Variants in PCDHA12 observed in about 807,000 individuals in gnomAD.
PCDHA12 encodes protocadherin alpha 12.
In PCDHA12, 44 loss-of-function variants were observed where a neutral mutation model predicts 60.0. The observed-to-expected ratio is 0.73, with a 90% CI of 0.58 to 0.94. PCDHA12 has a LOEUF of 0.94. PCDHA12 is among the 40% of genes least tolerant of loss of function. PCDHA12 has a pLI of 0.00. For synonymous variants in PCDHA12, 569 were observed against 553.0 expected (o/e 1.03, Z -0.40); for missense variants, 1,276 against 1,239.7 (o/e 1.03, Z -0.44).
chr5:140,886,910 T>C (rs1373910489), intron 1 of PCDHA12, among the ~76,000 whole-genome samples: 1 of 152,100 alleles, frequency 6.6e-6, no homozygotes, highest in African/African-American at 2.4e-5. Context: ...TAAATACTTA[T>C]TGAGTGTTCT....
chr5:140,970,776 A>G lies in PCDHA12; in HGVS notation c.2368-8173A>G, dbSNP rs1338334067. Among the ~76,000 whole-genome samples the G allele has an allele frequency of 1.3e-5, 2 of 152,212 alleles. 1 individual carries two copies. The highest frequency in any genetic ancestry group is 4.8e-5 in the African/African-American group (2 of 41,458). On this transcript the variant is annotated intron_variant, in intron 1 of 3. Coordinates refer to ENST00000398631, the MANE Select transcript of PCDHA12 (RefSeq NM_018903.4). Reference sequence around the variant, plus strand: ...TTCATTGACATATTGCTGTACATACATATTGTATGTAATATCCATATTGTT... The same window carrying G: ...TTCATTGACATATTGCTGTACATACGTATTGTATGTAATATCCATATTGTT...
chr5:141,004,619 G>C (rs1004302739), intron 3 of PCDHA12, among the ~76,000 whole-genome samples: 9 of 152,136 alleles, frequency 5.9e-5, no homozygotes, highest in Non-Finnish European at 1.0e-4. Context: ...GCAGAGTCCT[G>C]GTTATGGTTG....
rs371718634 is a variant in PCDHA12, at chr5:140,884,469, C to G, written c.2367+6630C>G. ...CCGCCCACCGAGGGCGCGTGCGCGCCGGGCAAGCCCACTCTAGTGTGCTCC... is the reference window on the plus strand; with the variant it reads ...CCGCCCACCGAGGGCGCGTGCGCGCGGGGCAAGCCCACTCTAGTGTGCTCC... On this transcript the variant is annotated intron_variant, in intron 1 of 3. Coordinates refer to ENST00000398631, the MANE Select transcript of PCDHA12 (RefSeq NM_018903.4). 7.7e-5 allele frequency: 124 copies of G among 1,613,648 alleles called. 1 individual carries two copies. The highest frequency in any genetic ancestry group is 9.6e-5 in the Non-Finnish European group (113 of 1,179,828).
chr5:140,882,136 A>T (rs2058967821), intron 1 of PCDHA12: 14 of 1,486,890 alleles, frequency 9.4e-6, no homozygotes, highest in Non-Finnish European at 1.3e-5. Context: ...TCCTGCAGAA[A>T]ATATAGCAGA....
At position 141,009,692 on chromosome 5, in the gene PCDHA12, A is replaced by G. The variant is rs2098413739; in HGVS notation, c.2581A>G (p.Lys861Glu). The G allele has an allele frequency of 6.2e-7, 1 of 1,613,856 alleles. No homozygotes were observed. Among genetic ancestry groups the G allele is most frequent in the African/African-American group, 1.3e-5 (1 of 74,858 alleles). The stretch of plus-strand genomic sequence containing the variant: ...TGTCAACAGCAACAGCTGGACCTTT[A>G]AATACGGACCAGGCAACCCCAAACA... The part of the protein sequence containing the change: ...AGVNSNSWTF[K>E]YGPGNPKQSG... Residue 861 changes from lysine to glutamate, a missense_variant, in exon 4 of 4, where the codon AAA (lysine) becomes GAA (glutamate). Physicochemically the swap from Lys to Glu is moderately conservative, Grantham distance 56. Transcript: ENST00000398631.
At chr5:140,969,175 T>C in intron 1 of PCDHA12, 7 of 1,613,046 alleles carry the variant, frequency 4.3e-6, no homozygotes, top group Non-Finnish European at 5.9e-6. Context: ...GCTCAGGGAG[T>C]GACACTTTCA....
intron 3 of PCDHA12, among the ~76,000 whole-genome samples, chr5:140,993,560 A>G (rs2097572904): frequency 6.6e-6 from 1 of 151,740 alleles, no homozygotes; most frequent in Non-Finnish European, 1.5e-5. Context: ...AGTATATAGT[A>G]TCCTTTCTAG....
intron 1 of PCDHA12, among the ~76,000 whole-genome samples, chr5:140,893,580 G>C (rs555518122): frequency 1.5e-4 from 23 of 152,268 alleles, no homozygotes; most frequent in East Asian, 1.2e-3. Flanking sequence ...GTTTTTGCTT[G>C]TTTGGGAAAT....
chr5:140,884,688 CTTA>C (rs782481361), intron 1 of PCDHA12: 8 of 1,535,868 alleles, frequency 5.2e-6, no homozygotes, highest in Non-Finnish European at 8.8e-7. Flanking sequence ...AAAAAATTGT[CTTA>C]GTAAACACTT....
chr5:140,970,141 G>T, intron 1 of PCDHA12, among the ~76,000 whole-genome samples: 1 of 152,166 alleles, frequency 6.6e-6, no homozygotes, highest in East Asian at 1.9e-4. Context: ...AAGGGAAAAA[G>T]AATTCTCCCA....
intron 1 of PCDHA12, among the ~76,000 whole-genome samples, chr5:140,913,854 A>G: frequency 6.6e-6 from 1 of 152,128 alleles, no homozygotes; most frequent in Middle Eastern, 3.2e-3. Context: ...ATTCAGGAGC[A>G]TATTGTTTAA....
chr5:140,993,630 C>T (rs1305182880), intron 3 of PCDHA12, among the ~76,000 whole-genome samples: 2 of 152,054 alleles, frequency 1.3e-5, no homozygotes, highest in South Asian at 4.2e-4. Flanking sequence ...TATATATAGT[C>T]GTGTACCAAA....
intron 1 of PCDHA12, chr5:140,882,520 G>C (rs2059167404): frequency 6.2e-7 from 1 of 1,614,218 alleles, no homozygotes; most frequent in Admixed American, 1.7e-5. Context: ...ATGGCATTTT[G>C]TTTGTGAATT....
intron 2 of PCDHA12, 123 bp from the exon 3 acceptor site, chr5:140,982,352 G>A (rs1554244046): frequency 4.0e-6 from 6 of 1,507,640 alleles, no homozygotes; most frequent in Non-Finnish European, 5.3e-6. Context: ...TTCAGTTCAA[G>A]CATGAGCAGA....
At chr5:140,951,420 T>G (rs1212893926) in intron 1 of PCDHA12, among the ~76,000 whole-genome samples, 3 of 151,992 alleles carry the variant, frequency 2.0e-5, no homozygotes, top group African/African-American at 7.2e-5. Flanking sequence ...TGGCTCACAG[T>G]TCCACAGGCT....
chr5:141,000,616 C>A (rs1227863226), intron 3 of PCDHA12, among the ~76,000 whole-genome samples: 1 of 150,774 alleles, frequency 6.6e-6, no homozygotes, highest in African/African-American at 2.4e-5. Context: ...TTAGTAGAGA[C>A]AGGGTTTCAC....
At chr5:140,991,539 C>T (rs1458315356) in intron 3 of PCDHA12, among the ~76,000 whole-genome samples, 3 of 152,164 alleles carry the variant, frequency 2.0e-5, no homozygotes, top group Admixed American at 6.6e-5. Context: ...CACTATATAA[C>T]AAGGATCCAC....
chr5:140,979,949 A>G (rs1554241287), intron 2 of PCDHA12, among the ~76,000 whole-genome samples: 2 of 152,248 alleles, frequency 1.3e-5, no homozygotes, highest in African/African-American at 4.8e-5. Context: ...TTAATGTGAA[A>G]TTAGTTTTAG....
chr5:140,990,984 A>G (rs1213067851), intron 3 of PCDHA12, among the ~76,000 whole-genome samples: 4 of 152,200 alleles, frequency 2.6e-5, no homozygotes, highest in Admixed American at 6.5e-5. Context: ...AAGGAAGACA[A>G]TAGCTACCAT....
Sources: allele counts gnomAD v4.1 joint callset (sites outside exome capture counted in the v4.1 genomes callset), GRCh38; gene constraint gnomAD v4.1.1; transcripts MANE v1.5; gene names NCBI Gene and HGNC (gene_info 2026-07-23, HGNC 2026-07-21).